TFB1M: variants seen among roughly 807,000 people sequenced by gnomAD.
TFB1M encodes transcription factor B1, mitochondrial.
Under a neutral mutation model 31.1 loss-of-function variants are expected in TFB1M, and 27 were observed. The ratio of observed to expected loss-of-function variants is 0.87; its 90% CI spans 0.64 to 1.20. The LOEUF is 1.20. Among genes scored for constraint, TFB1M ranks in the 50% most tolerant of loss-of-function variants. The pLI is 0.00. For synonymous variants in TFB1M, 166 were observed against 151.8 expected, an observed-to-expected ratio of 1.09 and a Z score of -0.69; for missense variants, 394 against 418.7, an observed-to-expected ratio of 0.94 and a Z score of 0.51.
At chr6:155,248,484 C>A in the TFB1M span, among the ~76,000 whole-genome samples, 1 of 152,226 alleles carries the variant, frequency 6.6e-6, no homozygotes, top group Non-Finnish European at 1.5e-5. Flanking sequence ...CCTCAGGTCA[C>A]GTGGCTGTGA....
In TFB1M at chr6:155,298,483, C is replaced by T. The variant is rs1777283120; in HGVS notation, c.388G>A (p.Glu130Lys). ...AFSESLKRPW[E>K]DDPPNVHIIG... ...ACTACCCAAAAGCACTCACCATCTTCCCAGGGTCTTTTAAGACTTTCTGAA... is the reference window on the plus strand; with the variant it reads ...ACTACCCAAAAGCACTCACCATCTTTCCAGGGTCTTTTAAGACTTTCTGAA... The change falls in exon 3 of 7, where the codon GAA (glutamate) becomes AAA (lysine). Residue 130 changes from glutamate to lysine, a missense_variant. Physicochemically the swap from Glu to Lys is moderately conservative, Grantham distance 56 (BLOSUM62 1). This residue lies in a region of TFB1M where 273 missense variants were observed against 256.4 expected (regional missense o/e 1.06). Coordinates refer to ENST00000367166, the MANE Select transcript of TFB1M (RefSeq NM_016020.4). 7 of 1,578,762 alleles carry T rather than the reference C, an allele frequency of 4.4e-6. No individual in the cohort carries two copies. The highest frequency in any genetic ancestry group is 6.1e-6 in the Non-Finnish European group (7 of 1,148,210).
chr6:155,295,843 A>G (rs1777144676), intron 4 of TFB1M, among the ~76,000 whole-genome samples: 1 of 152,200 alleles, frequency 6.6e-6, no homozygotes, highest in Admixed American at 6.5e-5. Flanking sequence ...TATTACAAAT[A>G]ATGTAGAGAT....
the TFB1M span, among the ~76,000 whole-genome samples, chr6:155,245,329 A>G: frequency 6.6e-6 from 1 of 152,148 alleles, no homozygotes; most frequent in African/African-American, 2.4e-5. Context: ...CCTCTCTCAG[A>G]TTGTTTATAT....
At chr6:155,288,554 CA>C (rs1745355851) in intron 4 of TFB1M, among the ~76,000 whole-genome samples, 1 of 152,102 alleles carries the variant, frequency 6.6e-6, no homozygotes, top group Non-Finnish European at 1.5e-5. Flanking sequence ...CCAACTGGCA[CA>C]ATTCAAAAAA....
At chr6:155,250,927 G>A in the TFB1M span, 166 of 1,613,996 alleles carry the variant, frequency 1.0e-4, no homozygotes, top group Non-Finnish European at 1.3e-4. Flanking sequence ...CAGAACTTTC[G>A]ATGGGAGAGC....
intron 4 of TFB1M, among the ~76,000 whole-genome samples, chr6:155,290,108 T>G (rs1253467751): frequency 2.0e-5 from 3 of 152,212 alleles, no homozygotes; most frequent in Non-Finnish European, 4.4e-5. Flanking sequence ...ACATAGGGGC[T>G]GGGCGTGGTG....
chr6:155,256,492 A>G lies in TFB1M; in HGVS notation c.*1344T>C. On this transcript the variant is annotated 3_prime_UTR_variant, in exon 7 of 7. Coordinates refer to ENST00000367166, the MANE Select transcript of TFB1M (RefSeq NM_016020.4). ...TGTTTTTCTCACTGTAGCTTCATCC[A>G]GGTCTTTAAAAGTCCTGAAGAATTC... 1.2e-6 allele frequency: 2 copies of G among 1,614,172 alleles called. No individual in the cohort carries two copies. Among genetic ancestry groups the G allele is most frequent in the Non-Finnish European group, 1.7e-6 (2 of 1,180,038 alleles).
In TFB1M at chr6:155,257,865, CTTCT is replaced by C; in HGVS notation, c.1008_1011del (p.Glu337ArgfsTer31). 6.2e-7 allele frequency: 1 copy of C among 1,614,170 alleles called. No individual in the cohort carries two copies. Among genetic ancestry groups the C allele is most frequent in the South Asian group, 1.1e-5 (1 of 91,084 alleles). ...AGTCTGTAATTCTCTGCGTCATCCT[CTTCT>C]TTTTCTTCATTTTTGCTTTTTCTTC... On this transcript the variant is annotated frameshift_variant, in exon 7 of 7. Coordinates refer to ENST00000367166, the MANE Select transcript of TFB1M (RefSeq NM_016020.4). LOFTEE classifies it low-confidence loss of function (END_TRUNC).
At chr6:155,269,324 C>CTTTTTTTTTT (rs60162262) in intron 5 of TFB1M, among the ~76,000 whole-genome samples, 27 of 127,222 alleles carry the variant, frequency 2.1e-4, no homozygotes, top group Non-Finnish European at 2.6e-4. Context: ...CTTTTCTTTT[C>CTTTTTTTTTT]TTTTTTTTTT....
Position 155,305,220 on chromosome 6 carries a change from TTATA to T in TFB1M, c.285+5964_285+5967del, listed in dbSNP as rs543626045. On this transcript the variant is annotated intron_variant, in intron 2 of 6. Coordinates refer to ENST00000367166, the MANE Select transcript of TFB1M (RefSeq NM_016020.4). ...TTTATATATATATTAAATTATATAT[TTATA>T]TATATATATTAAATTATATATTTAT... Among the ~76,000 whole-genome samples the T allele has an allele frequency of 4.8e-4, 19 of 39,806 alleles. 1 individual carries two copies. The highest frequency in any genetic ancestry group is 1.8e-3 in the African/African-American group (14 of 7,962). The allele number at this position is 39,806 out of a possible 152,430, so 26.1% of individuals were successfully genotyped here. A position where few individuals can be genotyped will look rare whatever the true frequency, so the allele number is the denominator to read the frequency against.
intron 4 of TFB1M, among the ~76,000 whole-genome samples, chr6:155,293,393 C>T (rs889332430): frequency 2.6e-5 from 4 of 152,282 alleles, no homozygotes; most frequent in African/African-American, 4.8e-5. Context: ...TGCTCTGTCA[C>T]GTGCTGCTTC....
chr6:155,307,930 G>A (rs899086639), intron 2 of TFB1M, among the ~76,000 whole-genome samples: 1 of 151,856 alleles, frequency 6.6e-6, no homozygotes, highest in South Asian at 2.1e-4. Context: ...AAAATGAGAG[G>A]AAATCTGTAC....
chr6:155,250,403 T>TA, the TFB1M span: 2 of 620,360 alleles, frequency 3.2e-6, no homozygotes, highest in Non-Finnish European at 5.2e-6. Flanking sequence ...TCTGATTGCT[T>TA]AATTTAGAAT....
At position 155,265,750 on chromosome 6, in the gene TFB1M, ATAATATATATT is replaced by A. The variant is rs572034111; in HGVS notation, c.667-5361_667-5351del. Among the ~76,000 whole-genome samples, 464 of 146,274 alleles carry A rather than the reference ATAATATATATT, an allele frequency of 3.2e-3. 1 individual carries two copies. The highest frequency in any genetic ancestry group is 9.3e-3 in the African/African-American group (373 of 40,322). On this transcript the variant is annotated intron_variant, in intron 5 of 6. Coordinates refer to ENST00000367166, the MANE Select transcript of TFB1M (RefSeq NM_016020.4). The stretch of plus-strand genomic sequence containing the variant: ...TATAAATATATATTATATATAATAT[ATAATATATATT>A]TAATATATAATATGTAAATATTAAA...
chr6:155,284,260 A>C (rs1320007692), intron 5 of TFB1M, among the ~76,000 whole-genome samples: 2 of 152,234 alleles, frequency 1.3e-5, no homozygotes, highest in African/African-American at 4.8e-5. Context: ...TAAATCTAGA[A>C]TCTATATCTA....
chr6:155,247,873 G>C, the TFB1M span: 1,864 of 1,216,380 alleles, frequency 1.5e-3, 31 homozygotes, highest in African/African-American at 0.026. Flanking sequence ...GATGTGTTGG[G>C]GTTTTCATTA....
At chr6:155,297,133 A>G (rs1433356308) in intron 3 of TFB1M, 29 bp from the exon 4 acceptor site, 2 of 1,607,562 alleles carry the variant, frequency 1.2e-6, no homozygotes, top group African/African-American at 2.7e-5. Context: ...ACAACCTGAA[A>G]TGATTCCATC....
intron 2 of TFB1M, among the ~76,000 whole-genome samples, chr6:155,307,761 C>T (rs922170096): frequency 1.3e-5 from 2 of 152,006 alleles, no homozygotes; most frequent in Admixed American, 1.3e-4. Context: ...CTGTCCTGGG[C>T]CACACATAAA....
intron 1 of TFB1M, chr6:155,314,005 A>G (rs1778132289): frequency 1.1e-6 from 1 of 898,750 alleles, no homozygotes; most frequent in East Asian, 3.7e-5. Flanking sequence ...AATATTCACT[A>G]GCGCCTTTCA....
Sources: gnomAD v4.1 joint callset for allele counts (sites outside exome capture counted in the v4.1 genomes callset) on GRCh38, gnomAD v4.1.1 for gene constraint, gnomAD v4.1.1 regional missense constraint, MANE v1.5 for transcripts, NCBI Gene and HGNC (gene_info 2026-07-23, HGNC 2026-07-21) for gene names.